NME1: variants seen among roughly 807,000 people sequenced by gnomAD.
NME1 encodes NME/NM23 nucleoside diphosphate kinase 1, also known as nucleoside diphosphate kinase A.
NME1 carries 9 observed loss-of-function variants against 17.2 expected under a neutral mutation model. The observed-to-expected ratio is 0.52, with a 90% confidence interval of 0.32 to 0.92. NME1 has a LOEUF of 0.92. Among genes scored for constraint, NME1 ranks in the 40% least tolerant of loss-of-function variants. NME1 has a pLI of 0.04. For missense variants in NME1, 169 were observed against 201.7 expected (o/e 0.84, Z 0.98); for synonymous variants, 72 against 70.8 (o/e 1.02, Z -0.09).
In NME1 at chr17:51,154,470, A is replaced by C. The variant is rs770509983; in HGVS notation, c.-5+808A>C. 5.0e-6 allele frequency: 8 copies of C among 1,595,098 alleles called. No individual in the cohort carries two copies. In the African/African-American group the frequency reaches 8.1e-5, roughly 16 times the overall value. The stretch of plus-strand genomic sequence containing the variant: ...GTAGGTCATGAGCGCAGTCTTCTGT[A>C]AAATGAGGGATCTGGACGGAATAGT... On this transcript the variant is annotated intron_variant, in intron 1 of 4. Coordinates refer to ENST00000393196, the MANE Select transcript of NME1 (RefSeq NM_000269.3).
At chr17:51,158,223 T>G (rs1598238013) in intron 2 of NME1, among the ~76,000 whole-genome samples, 1 of 152,130 alleles carries the variant, frequency 6.6e-6, no homozygotes, top group African/African-American at 2.4e-5. Flanking sequence ...GAGGTTGCAG[T>G]GAGCGGAGAT....
chr17:51,160,953 G>T, intron 3 of NME1: 1 of 700,646 alleles, frequency 1.4e-6, no homozygotes. Context: ...GCTGTATGGA[G>T]AATACATTGT....
Position 51,161,884 on chromosome 17 carries a change from C to G in NME1, c.*39C>G, listed in dbSNP as rs761393177. The G allele has an allele frequency of 3.8e-6, 5 of 1,307,056 alleles. No homozygotes were observed. The South Asian group carries it at 4.7e-5, about 12-fold the overall frequency. The allele number at this position is 1,307,056 out of a possible 1,614,324, so 81.0% of individuals were successfully genotyped here. On this transcript the variant is annotated 3_prime_UTR_variant, in exon 5 of 5. Transcript: ENST00000393196. ...CACATTGCTTTTCACATCCATTTCC[C>G]CTCCTTCCCATGGGCAGAGGACCAG...
At chr17:51,154,482 C>T in intron 1 of NME1, 1 of 1,556,798 alleles carries the variant, frequency 6.4e-7, no homozygotes, top group Non-Finnish European at 8.9e-7. Context: ...AATGAGGGAT[C>T]TGGACGGAAT....
intron 2 of NME1, among the ~76,000 whole-genome samples, chr17:51,159,771 C>G (rs1168077942): frequency 6.6e-6 from 1 of 151,960 alleles, no homozygotes; most frequent in African/African-American, 2.4e-5. Context: ...CAGTCAGTGC[C>G]AATAGGGAGA....
At position 51,161,262 on chromosome 17, in the gene NME1, C is replaced by G; in HGVS notation, c.331C>G (p.Gln111Glu). ...PGTIRGDFCI[Q>E]VGRNIIHGSD... ...GACCATCCGTGGAGACTTCTGCATA[C>G]AAGTTGGCAGGTGAGATTTTGGTAT... is the stretch of plus-strand genomic sequence containing the variant. The change falls in exon 4 of 5, where the codon CAA (glutamine) becomes GAA (glutamate). Residue 111 changes from glutamine to glutamate, a missense_variant. Coordinates refer to ENST00000393196, the MANE Select transcript of NME1 (RefSeq NM_000269.3). The G allele has an allele frequency of 6.2e-7, 1 of 1,609,406 alleles. No individual in the cohort carries two copies. Among genetic ancestry groups the G allele is most frequent in the Non-Finnish European group, 8.5e-7 (1 of 1,177,892 alleles).
intron 1 of NME1, 53 bp from the exon 2 acceptor site, chr17:51,155,598 G>A (rs2049773965): frequency 4.4e-6 from 7 of 1,608,054 alleles, no homozygotes; most frequent in Middle Eastern, 1.8e-4. Context: ...GACGGATGAC[G>A]CTGTAGGCAA....
Position 51,161,998 on chromosome 17 carries a change from C to T in NME1, c.*153C>T. The T allele has an allele frequency of 1.6e-6, 1 of 622,504 alleles. No homozygotes were observed. The allele number at this position is 622,504 out of a possible 1,614,324, so 38.6% of individuals were successfully genotyped here. ...GTGAGTTCTCCCTGTACAGTGTTAC[C>T]ATCCCCGACCATCTGATTAAAATGC... On this transcript the variant is annotated 3_prime_UTR_variant, in exon 5 of 5. Coordinates refer to ENST00000393196, the MANE Select transcript of NME1 (RefSeq NM_000269.3).
At chr17:51,157,399 T>C (rs895170603) in intron 2 of NME1, among the ~76,000 whole-genome samples, 15 of 152,124 alleles carry the variant, frequency 9.9e-5, no homozygotes, top group Non-Finnish European at 1.5e-4. Context: ...AAGAGGGGGC[T>C]GATGTTGATT....
chr17:51,161,467 T>A, intron 4 of NME1, 195 bp downstream of exon 4: 1 of 688,300 alleles, frequency 1.5e-6, no homozygotes, highest in Non-Finnish European at 2.5e-6. Context: ...TTACACGAAG[T>A]GTAGAACCTG....
In NME1 at chr17:51,159,974, G is replaced by T; in HGVS notation, c.127-6G>T. ...GGTTATTCTCATTCTCTGTCCTGTT[G>T]AATAGGCTTCCGAAGATCTTCTCAA... On this transcript the variant is annotated splice_region_variant and splice_polypyrimidine_tract_variant and intron_variant, in intron 2 of 4. Coordinates refer to ENST00000393196, the MANE Select transcript of NME1 (RefSeq NM_000269.3). The T allele has an allele frequency of 6.2e-7, 1 of 1,614,096 alleles. No individual in the cohort carries two copies. The highest frequency in any genetic ancestry group is 8.5e-7 in the Non-Finnish European group (1 of 1,179,990).
chr17:51,160,062 C>T lies in NME1; in HGVS notation c.209C>T (p.Ser70Leu), dbSNP rs1372422946. Residue 70 changes from serine (S) to leucine (L), a missense_variant, in exon 3 of 5, where the codon TCA becomes TTA. Physicochemically the swap from Ser to Leu is moderately radical, Grantham distance 145. Transcript: ENST00000393196. ...FFAGLVKYMHSGPVVAMVWEG... is the reference protein window; with the variant it reads ...FFAGLVKYMHLGPVVAMVWEG... ...GCCGGCCTGGTGAAATACATGCACT[C>T]AGGGCCGGTAGTTGCCATGGTGAGT... is the stretch of plus-strand genomic sequence containing the variant. The T allele has an allele frequency of 1.9e-6, 3 of 1,614,074 alleles. No individual in the cohort carries two copies. Among genetic ancestry groups the T allele is most frequent in the Non-Finnish European group, 2.5e-6 (3 of 1,180,044 alleles).
At chr17:51,160,279 T>C (rs2049846031) in intron 3 of NME1, 198 bp downstream of exon 3, 2 of 700,630 alleles carry the variant, frequency 2.9e-6, no homozygotes, top group Non-Finnish European at 5.1e-6. Flanking sequence ...TCACTTTAGA[T>C]TGGGTGATCA....
At chr17:51,154,402 T>C (rs1228867995) in intron 1 of NME1, 1 of 1,614,136 alleles carries the variant, frequency 6.2e-7, no homozygotes, top group South Asian at 1.1e-5. Context: ...TTAGGGATCG[T>C]CTTTCAAGGC....
chr17:51,157,171 C>G (rs2049799726), intron 2 of NME1, among the ~76,000 whole-genome samples: 1 of 151,488 alleles, frequency 6.6e-6, no homozygotes, highest in Non-Finnish European at 1.5e-5. Flanking sequence ...CACAGTGACT[C>G]GCCTGTCATC....
At chr17:51,161,363 C>T (rs1482855155) in intron 4 of NME1, 91 bp downstream of exon 4, 54 of 1,185,468 alleles carry the variant, frequency 4.6e-5, no homozygotes, top group Middle Eastern at 2.1e-4. Flanking sequence ...GACATGATAC[C>T]ATATGCAGGT....
intron 1 of NME1, chr17:51,154,311 G>C: frequency 6.7e-7 from 1 of 1,491,140 alleles, no homozygotes; most frequent in Non-Finnish European, 9.4e-7. Context: ...CAGAAAATTG[G>C]ACTACAGTGC....
Position 51,161,117 on chromosome 17 carries a change from G to T in NME1, c.229-43G>T. ...TAATAGTTGCCAGATTTTCTGCTGT[G>T]ATTGGTTTTCTTCTTTGACCATATC... On this transcript the variant is annotated intron_variant, in intron 3 of 4. Transcript: ENST00000393196. 7 of 1,570,128 alleles carry T rather than the reference G, an allele frequency of 4.5e-6. No individual in the cohort carries two copies. In the Admixed American group the frequency reaches 7.5e-5, roughly 17 times the overall value.
rs375616828 is a variant in NME1, at chr17:51,161,889, T to C, written c.*44T>C. On this transcript the variant is annotated 3_prime_UTR_variant, in exon 5 of 5. Coordinates refer to ENST00000393196, the MANE Select transcript of NME1 (RefSeq NM_000269.3). ...TGCTTTTCACATCCATTTCCCCTCC[T>C]TCCCATGGGCAGAGGACCAGGCTGT... 8.1e-7 allele frequency: 1 copy of C among 1,235,122 alleles called. No individual in the cohort carries two copies. The highest frequency in any genetic ancestry group is 1.2e-6 in the Non-Finnish European group (1 of 835,626). The allele number at this position is 1,235,122 out of a possible 1,614,324, so 76.5% of individuals were successfully genotyped here.
Sources: allele counts gnomAD v4.1 joint callset (sites outside exome capture counted in the v4.1 genomes callset), GRCh38; gene constraint gnomAD v4.1.1; transcripts MANE v1.5; gene names NCBI Gene and HGNC (gene_info 2026-07-23, HGNC 2026-07-21).